MAD1L1: variants seen among roughly 807,000 people sequenced by gnomAD.
MAD1L1 encodes mitotic spindle assembly checkpoint protein MAD1.
MAD1L1 carries 95 observed loss-of-function variants against 96.9 expected under a neutral mutation model. That is an observed-to-expected ratio of 0.98 (90% confidence interval 0.83 to 1.16). The LOEUF is 1.16. MAD1L1 is among the 50% of genes most tolerant of loss of function. The pLI is 0.00. For synonymous variants in MAD1L1, 473 were observed against 396.6 expected (o/e 1.19, Z -2.29); for missense variants, 1,007 against 954.4 (o/e 1.06, Z -0.73).
At chr7:1,986,835 T>C (rs1330620434) in intron 14 of MAD1L1, among the ~76,000 whole-genome samples, 1 of 152,188 alleles carries the variant, frequency 6.6e-6, no homozygotes, top group African/African-American at 2.4e-5. Flanking sequence ...TTTTAATGTG[T>C]AACCTTAGAC....
intron 11 of MAD1L1, among the ~76,000 whole-genome samples, chr7:2,089,585 T>G (rs73032347): frequency 0.027 from 4,098 of 151,974 alleles, 93 homozygotes; most frequent in South Asian, 0.089. Context: ...CCCCAACACC[T>G]GTCCCTGGGG....
rs1371026403 is a variant in MAD1L1 at position 2,014,511 on chromosome 7, G to A, written c.1350C>T (p.Ala450=). ...GCCCGCGGCCCCTCACCTCCATCTC[G>A]GCGCTGTGGCTGTGCACCTTCTGCA... ...DMVQKVHSHS[A]EMEAQLSQAL... The change falls in exon 13 of 19, where the codon GCC becomes GCT. Residue 450 remains alanine, a synonymous_variant. Transcript: ENST00000265854. 7 of 1,590,024 alleles carry A rather than the reference G, an allele frequency of 4.4e-6. No individual in the cohort carries two copies. The highest frequency in any genetic ancestry group is 4.5e-5 in the East Asian group (2 of 43,976).
At chr7:1,963,449 T>C (rs1583930329) in intron 15 of MAD1L1, among the ~76,000 whole-genome samples, 1 of 152,182 alleles carries the variant, frequency 6.6e-6, no homozygotes, top group Non-Finnish European at 1.5e-5. Context: ...GAGGGATTCC[T>C]GTCAAACAAG....
intron 11 of MAD1L1, among the ~76,000 whole-genome samples, chr7:2,098,617 C>G (rs1287148782): frequency 3.9e-5 from 6 of 152,328 alleles, no homozygotes; most frequent in Non-Finnish European, 5.9e-5. Context: ...GAGCACAGCA[C>G]GGCAGACACG....
At chr7:2,078,723 C>T (rs1012019047) in intron 11 of MAD1L1, among the ~76,000 whole-genome samples, 2 of 152,220 alleles carry the variant, frequency 1.3e-5, no homozygotes, top group South Asian at 2.1e-4. Flanking sequence ...AAAGCAGCAG[C>T]GCCACCCCCA....
chr7:2,127,472 G>A (rs932493314), intron 11 of MAD1L1, among the ~76,000 whole-genome samples: 1 of 152,208 alleles, frequency 6.6e-6, no homozygotes, highest in African/African-American at 2.4e-5. Context: ...TTCGTGCTGT[G>A]CCACGGAGGA....
chr7:2,153,957 A>G (rs1007571940), intron 10 of MAD1L1, among the ~76,000 whole-genome samples: 1 of 152,182 alleles, frequency 6.6e-6, no homozygotes, highest in African/African-American at 2.4e-5. Flanking sequence ...GGAGTTCGAG[A>G]CCAGCCCGGC....
chr7:1,898,209 G>A lies in MAD1L1; in HGVS notation c.1989C>T (p.Leu663=), dbSNP rs747312789. Residue 663 remains leucine, a synonymous_variant, in exon 18 of 19, where the codon CTC becomes CTT. Transcript: ENST00000265854. The stretch of plus-strand genomic sequence containing the variant: ...CACACGCAGGACCCACCTTGAAGAT[G>A]AGGCAGTCGCCTGGGTGCTCGGCGT... The part of the protein sequence containing the change: ...SLYAEHPGDC[L]IFKATSPSGS... 22 of 1,609,382 alleles carry A rather than the reference G, an allele frequency of 1.4e-5. No homozygotes were observed. Among genetic ancestry groups the A allele is most frequent in the Admixed American group, 3.4e-5 (2 of 59,282 alleles).
intron 15 of MAD1L1, 127 bp from the exon 16 acceptor site, chr7:1,957,846 A>T: frequency 1.4e-6 from 1 of 737,160 alleles, no homozygotes; most frequent in Non-Finnish European, 2.3e-6. Flanking sequence ...CTAAATACAT[A>T]TCTGTGAAGC....
At chr7:1,868,784 G>A (rs987346636) in intron 18 of MAD1L1, among the ~76,000 whole-genome samples, 4 of 152,182 alleles carry the variant, frequency 2.6e-5, no homozygotes, top group South Asian at 2.1e-4. Flanking sequence ...CCAGGGGAAC[G>A]CCCAGAAGAC....
rs1193000935 is a variant in MAD1L1 at position 1,965,332 on chromosome 7, A to G, written c.1506-7613T>C. ...GAGCACGTGACAAAGCCGCGCAGAC[A>G]TGGCAGTGTGACGGGTGCCCACGCC... On this transcript the variant is annotated intron_variant, in intron 15 of 18. Transcript: ENST00000265854. Among the ~76,000 whole-genome samples the G allele has an allele frequency of 3.3e-5, 5 of 152,328 alleles. No homozygotes were observed. In the East Asian group the frequency reaches 9.7e-4, roughly 29 times the overall value.
intron 14 of MAD1L1, among the ~76,000 whole-genome samples, chr7:1,983,690 C>G (rs1159626691): frequency 6.6e-6 from 1 of 152,214 alleles, no homozygotes; most frequent in Non-Finnish European, 1.5e-5. Flanking sequence ...CATGTCTTCA[C>G]CTACGTATCC....
chr7:2,214,600 G>A (rs1478120516), intron 9 of MAD1L1, among the ~76,000 whole-genome samples: 1 of 152,188 alleles, frequency 6.6e-6, no homozygotes, highest in African/African-American at 2.4e-5. Flanking sequence ...AGGTGTGCCA[G>A]GCACAGAGGG....
chr7:2,150,368 C>T (rs1174520171), intron 10 of MAD1L1, among the ~76,000 whole-genome samples: 1 of 152,182 alleles, frequency 6.6e-6, no homozygotes, highest in African/African-American at 2.4e-5. Context: ...ACGCTGCAAA[C>T]CTCACGCACT....
chr7:2,203,347 C>T (rs982608529), intron 10 of MAD1L1, among the ~76,000 whole-genome samples: 5 of 152,222 alleles, frequency 3.3e-5, no homozygotes, highest in Non-Finnish European at 5.9e-5. Context: ...ACTGTGACTT[C>T]GAGCTGAATC....
At chr7:1,958,574 T>C (rs1418624216) in intron 15 of MAD1L1, among the ~76,000 whole-genome samples, 1 of 152,034 alleles carries the variant, frequency 6.6e-6, no homozygotes, top group Admixed American at 6.5e-5. Flanking sequence ...CCTAACTGCA[T>C]CTCTGAAAAA....
chr7:1,944,871 G>A (rs918998491), intron 16 of MAD1L1, among the ~76,000 whole-genome samples: 6 of 152,244 alleles, frequency 3.9e-5, no homozygotes, highest in Non-Finnish European at 7.3e-5. Flanking sequence ...TGCAGCTGAT[G>A]GGGACAAAGA....
rs1034199018 is a variant in MAD1L1, at chr7:1,818,022, T to G, written c.1999-1794A>C. On this transcript the variant is annotated intron_variant, in intron 18 of 18. Transcript: ENST00000265854. ...CCTGTTTCTGCTGCCTTAGTACATT[T>G]GGCCTTGTCATAGTTCAACACAAAC... is the stretch of plus-strand genomic sequence containing the variant. Among the ~76,000 whole-genome samples the G allele has an allele frequency of 5.9e-5, 9 of 152,062 alleles. No individual in the cohort carries two copies. The East Asian group carries it at 1.7e-3, about 29-fold the overall frequency.
rs559189869 is a variant in MAD1L1, at chr7:2,107,481, G to A, written c.1074-38143C>T. The stretch of plus-strand genomic sequence containing the variant: ...GCCTCTTTCTCCAGGTCGCTCTTCC[G>A]ACTGTGTGAGGTAACCATGCCACTG... On this transcript the variant is annotated intron_variant, in intron 11 of 18. Transcript: ENST00000265854. 3.9e-5 allele frequency: 6 copies of A among 152,602 alleles called. No individual in the cohort carries two copies. The South Asian group carries it at 6.2e-4, about 16-fold the overall frequency. The allele number at this position is 152,602 out of a possible 1,614,324, so 9.5% of individuals were successfully genotyped here.
Sources: allele counts gnomAD v4.1 joint callset (sites outside exome capture counted in the v4.1 genomes callset), GRCh38; gene constraint gnomAD v4.1.1; transcripts MANE v1.5; gene names NCBI Gene and HGNC (gene_info 2026-07-23, HGNC 2026-07-21).